The following BAIAP2L1 variants were observed in gnomAD, a reference collection of about 807,000 sequenced individuals.
The protein encoded by BAIAP2L1 is BAR/IMD domain containing adaptor protein 2 like 1.
A neutral mutation model predicts 66.3 loss-of-function variants in BAIAP2L1; 35 were observed. The observed-to-expected ratio is 0.53, with a 90% CI of 0.40 to 0.70. The LOEUF is 0.70. Ranked by LOEUF, BAIAP2L1 falls within the 30% of genes least tolerant of loss-of-function variation. The pLI is 0.00. For missense variants in BAIAP2L1, 622 were observed against 656.9 expected (o/e 0.95, Z 0.58); for synonymous variants, 269 against 248.7 (o/e 1.08, Z -0.77).
chr7:98,350,875 G>C (rs1480586745), intron 3 of BAIAP2L1, among the ~76,000 whole-genome samples: 1 of 151,240 alleles, frequency 6.6e-6, no homozygotes, highest in African/African-American at 2.4e-5. Flanking sequence ...GTTTTTTTTT[G>C]AGATGGAGTC....
At chr7:98,297,780 CG>C in intron 12 of BAIAP2L1, among the ~76,000 whole-genome samples, 1 of 152,262 alleles carries the variant, frequency 6.6e-6, no homozygotes, top group African/African-American at 2.4e-5. Context: ...AGGCCTGCAC[CG>C]GGGGCACTGG....
intron 7 of BAIAP2L1, among the ~76,000 whole-genome samples, chr7:98,313,192 C>T (rs1800938627): frequency 1.3e-5 from 2 of 151,106 alleles, no homozygotes; most frequent in Non-Finnish European, 2.9e-5. Flanking sequence ...CGTGGACCAG[C>T]TGCTTGGGCC....
chr7:98,386,057 T>C, intron 1 of BAIAP2L1: 1 of 1,478,450 alleles, frequency 6.8e-7, no homozygotes. Flanking sequence ...AAGTCATTTG[T>C]CTGCACCTCT....
intron 1 of BAIAP2L1, among the ~76,000 whole-genome samples, chr7:98,386,901 G>A (rs1332414640): frequency 5.9e-5 from 9 of 151,698 alleles, no homozygotes; most frequent in African/African-American, 1.9e-4. Context: ...GGGTTTCACC[G>A]TGTTGGCCAG....
chr7:98,357,049 AT>A (rs750965128), intron 2 of BAIAP2L1, among the ~76,000 whole-genome samples: 484 of 12,552 alleles, frequency 0.039, 18 homozygotes, highest in South Asian at 0.078. Flanking sequence ...ATATATATAT[AT>A]TTTTTTTTTT....
intron 3 of BAIAP2L1, among the ~76,000 whole-genome samples, chr7:98,322,695 T>C (rs971088550): frequency 2.6e-5 from 4 of 152,156 alleles, no homozygotes; most frequent in Non-Finnish European, 5.9e-5. Flanking sequence ...CCACGTGGGC[T>C]TTCGAGGAGG....
In BAIAP2L1 at chr7:98,347,256, C is replaced by T. The variant is rs184182785; in HGVS notation, c.214+7786G>A. ...ACTCTAATTCCCAATGTTTCTAATG[C>T]TTTAAAGTGTACAAATATTAGTTTT... On this transcript the variant is annotated intron_variant, in intron 3 of 13. Transcript: ENST00000005260. Among the ~76,000 whole-genome samples, 102 of 152,264 alleles carry T rather than the reference C, an allele frequency of 6.7e-4. 1 individual carries two copies. In the East Asian group the frequency reaches 0.019, roughly 28 times the overall value.
intron 3 of BAIAP2L1, among the ~76,000 whole-genome samples, chr7:98,352,385 T>G (rs942966333): frequency 6.6e-6 from 1 of 152,216 alleles, no homozygotes; most frequent in Non-Finnish European, 1.5e-5. Flanking sequence ...CACACACCTG[T>G]AATCCTAGCA....
At chr7:98,349,747 C>T (rs1234793654) in intron 3 of BAIAP2L1, among the ~76,000 whole-genome samples, 1 of 150,602 alleles carries the variant, frequency 6.6e-6, no homozygotes, top group Admixed American at 6.6e-5. Flanking sequence ...TGGTGGCTCA[C>T]GCCTGTAATC....
rs1477016675 is a variant in BAIAP2L1, at chr7:98,297,432, C to T, written c.1423-3321G>A. ...TGCAGCAGAGAATGCTGGTGGCCCT[C>T]ACTGCAGAGGGCAGGACAGAGTGAA... On this transcript the variant is annotated intron_variant, in intron 12 of 13. Coordinates refer to ENST00000005260, the MANE Select transcript of BAIAP2L1 (RefSeq NM_018842.5). Among the ~76,000 whole-genome samples, 3 of 152,198 alleles carry T rather than the reference C, an allele frequency of 2.0e-5. No individual in the cohort carries two copies. The East Asian group carries it at 5.8e-4, about 29-fold the overall frequency.
chr7:98,320,270 G>T lies in BAIAP2L1; in HGVS notation c.243C>A (p.Thr81=). The change falls in exon 4 of 14, where the codon ACC becomes ACA. Residue 81 remains threonine (T), a synonymous_variant. Transcript: ENST00000005260. The stretch of plus-strand genomic sequence containing the variant: ...CAAGACTCTCGTTGAGTTTCTTGTG[G>T]GTACTTGAAATCTCTATGAGGACAT... ...LGHVLIEISS[T]HKKLNESLDE... is the part of the protein sequence containing the mutation. 7.5e-6 allele frequency: 12 copies of T among 1,609,544 alleles called. No homozygotes were observed. The highest frequency in any genetic ancestry group is 1.0e-5 in the Non-Finnish European group (12 of 1,177,076).
chr7:98,318,249 T>C (rs1801139889), intron 5 of BAIAP2L1, among the ~76,000 whole-genome samples: 1 of 152,200 alleles, frequency 6.6e-6, no homozygotes, highest in Non-Finnish European at 1.5e-5. Flanking sequence ...ATTCCTTCTT[T>C]CCTCAAAGGC....
At chr7:98,359,496 C>T (rs1802215825) in intron 2 of BAIAP2L1, among the ~76,000 whole-genome samples, 2 of 152,148 alleles carry the variant, frequency 1.3e-5, no homozygotes, top group Non-Finnish European at 2.9e-5. Flanking sequence ...TGGTCTCAAT[C>T]TCTTGACCTC....
chr7:98,350,179 C>T (rs921030407), intron 3 of BAIAP2L1, among the ~76,000 whole-genome samples: 5 of 152,012 alleles, frequency 3.3e-5, no homozygotes, highest in Non-Finnish European at 2.9e-5. Context: ...GATGATAAAG[C>T]GTCTGCCTTA....
chr7:98,304,430 C>T, intron 11 of BAIAP2L1, 54 bp from the exon 12 acceptor site: 1 of 1,578,496 alleles, frequency 6.3e-7, no homozygotes, highest in Non-Finnish European at 8.7e-7. Context: ...CCACCAAACC[C>T]CAAACATCCT....
At chr7:98,371,065 A>G (rs1802501591) in intron 1 of BAIAP2L1, among the ~76,000 whole-genome samples, 1 of 152,206 alleles carries the variant, frequency 6.6e-6, no homozygotes, top group Non-Finnish European at 1.5e-5. Context: ...ACAGCCTACA[A>G]TGTTAAGAGT....
rs530957460 is a variant in BAIAP2L1 at position 98,301,596 on chromosome 7, C to T, written c.1422+2600G>A. On this transcript the variant is annotated intron_variant, in intron 12 of 13. Transcript: ENST00000005260. ...ACTCCCAAAGTGCTGGGATTACAGG[C>T]GTGAGCCACCGTGCCCGGCCAAGCC... Among the ~76,000 whole-genome samples, 278 of 151,880 alleles carry T rather than the reference C, an allele frequency of 1.8e-3. 2 individuals carry two copies. Among genetic ancestry groups the T allele is most frequent in the Non-Finnish European group, 2.3e-3 (157 of 67,954 alleles).
At chr7:98,355,161 C>T in intron 2 of BAIAP2L1, 33 bp from the exon 3 acceptor site, 2 of 1,469,270 alleles carry the variant, frequency 1.4e-6, no homozygotes, top group Non-Finnish European at 1.9e-6. Flanking sequence ...AAAATCGTCA[C>T]TTAGACAAGG....
chr7:98,333,847 G>A (rs1008578043), intron 3 of BAIAP2L1, among the ~76,000 whole-genome samples: 37 of 145,268 alleles, frequency 2.5e-4, no homozygotes, highest in African/African-American at 7.9e-4. Flanking sequence ...ACGGCTCCAC[G>A]ATGGTGCCAA....
Sources: gnomAD v4.1 joint callset for allele counts (sites outside exome capture counted in the v4.1 genomes callset) on GRCh38, gnomAD v4.1.1 for gene constraint, MANE v1.5 for transcripts, NCBI Gene and HGNC (gene_info 2026-07-23, HGNC 2026-07-21) for gene names.